Variants in CYP4Z1 observed in about 807,000 individuals in gnomAD.
CYP4Z1 encodes cytochrome P450 family 4 subfamily Z member 1.
In CYP4Z1, 41 loss-of-function variants were observed where a neutral mutation model predicts 54.2. The ratio of observed to expected loss-of-function variants is 0.76; its 90% CI spans 0.59 to 0.98. The LOEUF (loss-of-function observed/expected upper bound fraction) is 0.98, where lower values mean the gene tolerates loss of function less well. CYP4Z1 is among the 50% of genes least tolerant of loss of function. CYP4Z1 has a pLI of 0.00. For missense variants in CYP4Z1, 513 were observed against 599.0 expected (o/e 0.86, Z 1.50); for synonymous variants, 163 against 206.2 (o/e 0.79, Z 1.79).
chr1:47,101,761 C>T (rs1644723258), intron 8 of CYP4Z1, among the ~76,000 whole-genome samples: 1 of 151,978 alleles, frequency 6.6e-6, no homozygotes, highest in South Asian at 2.1e-4. Flanking sequence ...CTGGGAGGTA[C>T]ATTTAGTCCA....
intron 7 of CYP4Z1, chr1:47,097,267 G>GA (rs1644684865): frequency 6.6e-6 from 1 of 152,140 alleles, no homozygotes; most frequent in Non-Finnish European, 1.5e-5. Context: ...GTGCTGCAGT[G>GA]AACATACATG....
Sources: gnomAD v4.1 joint callset for allele counts (sites outside exome capture counted in the v4.1 genomes callset) on GRCh38, gnomAD v4.1.1 for gene constraint, MANE v1.5 for transcripts, NCBI Gene and HGNC (gene_info 2026-07-23, HGNC 2026-07-21) for gene names.